Variants in KIF5B observed in about 807,000 individuals in gnomAD.
KIF5B encodes kinesin-1 heavy chain.
A neutral mutation model predicts 132.8 loss-of-function variants in KIF5B; 49 were observed. The ratio of observed to expected loss-of-function variants is 0.37; its 90% CI spans 0.29 to 0.47. The LOEUF (loss-of-function observed/expected upper bound fraction) is 0.47, where lower values mean the gene tolerates loss of function less well. Among genes scored for constraint, KIF5B ranks in the 20% least tolerant of loss-of-function variants. The probability of loss-of-function intolerance (pLI) is 1.00; values close to 1 mark genes in which losing one functional copy is unlikely to be tolerated. For missense variants in KIF5B, 780 were observed against 1,144.0 expected (o/e 0.68, Z 4.59); for synonymous variants, 355 against 369.4 (o/e 0.96, Z 0.45).
At position 32,009,041 on chromosome 10, in the gene KIF5B, A is replaced by AAC. The variant is rs1360779641; in HGVS notation, c.*2494_*2495dup. 1 of 152,192 alleles carries AAC rather than the reference A, an allele frequency of 6.6e-6. No homozygotes were observed. Among genetic ancestry groups the AAC allele is most frequent in the Non-Finnish European group, 1.5e-5 (1 of 68,044 alleles). 9.4% of individuals were successfully genotyped at this position (152,192 alleles called of 1,614,324 possible). A position where few individuals can be genotyped will look rare whatever the true frequency, so the allele number is the denominator to read the frequency against. ...TTCAAAAAATTTTCCTCTTTATTTAAACATAAAACGCATTTACAACATGCA... is the reference window on the plus strand; with the variant it reads ...TTCAAAAAATTTTCCTCTTTATTTAAACACATAAAACGCATTTACAACATGCA... On this transcript the variant is annotated 3_prime_UTR_variant, in exon 26 of 26. Transcript: ENST00000302418.
chr10:32,033,823 A>G (rs778932578), intron 12 of KIF5B, 22 bp downstream of exon 12: 2 of 1,553,812 alleles, frequency 1.3e-6, no homozygotes, highest in Admixed American at 3.4e-5. Flanking sequence ...TATAAAGCAG[A>G]CCTAAATCAA....
At chr10:32,051,544 T>A (rs211294) in intron 1 of KIF5B, among the ~76,000 whole-genome samples, 3 of 152,126 alleles carry the variant, frequency 2.0e-5, no homozygotes, top group Non-Finnish European at 4.4e-5. Flanking sequence ...CACTACAACC[T>A]TACTAAAATA....
In KIF5B at chr10:32,015,592, T is replaced by TC; in HGVS notation, c.2828dup (p.Gly944ArgfsTer47). ...GCTGGCTGTTCTGAACAAATGCACC[T>TC]CCTCCACGAATTGCACTTGGGTGAG... On this transcript the variant is annotated frameshift_variant, in exon 25 of 26. Transcript: ENST00000302418. LOFTEE classifies it high-confidence loss of function. The TC allele has an allele frequency of 6.2e-7, 1 of 1,613,862 alleles. No individual in the cohort carries two copies. The highest frequency in any genetic ancestry group is 8.5e-7 in the Non-Finnish European group (1 of 1,179,826).
chr10:32,030,025 G>A (rs1318509048), intron 14 of KIF5B, among the ~76,000 whole-genome samples: 2 of 152,164 alleles, frequency 1.3e-5, no homozygotes, highest in East Asian at 3.8e-4. Context: ...ATGTGAGCAG[G>A]GAAATAAGTG....
chr10:32,035,999 A>G lies in KIF5B; in HGVS notation c.712-5T>C, dbSNP rs777021954. 1.3e-6 allele frequency: 2 copies of G among 1,533,270 alleles called. No homozygotes were observed. The highest frequency in any genetic ancestry group is 1.8e-6 in the Non-Finnish European group (2 of 1,135,026). 95.0% of individuals were successfully genotyped at this position (1,533,270 alleles called of 1,614,324 possible). On this transcript the variant is annotated splice_polypyrimidine_tract_variant and splice_region_variant and intron_variant, in intron 8 of 25. Coordinates refer to ENST00000302418, the MANE Select transcript of KIF5B (RefSeq NM_004521.3). ...TTCAGCTCCAGTTTTACTAACCTAT[A>G]CATAAGATTTCAAAAGAATGAAACA...
At chr10:32,053,855 A>G (rs1424471271) in intron 1 of KIF5B, among the ~76,000 whole-genome samples, 1 of 152,218 alleles carries the variant, frequency 6.6e-6, no homozygotes. Context: ...CATTATTCCT[A>G]ATATTACCAT....
Position 32,056,065 on chromosome 10 carries a change from G to C in KIF5B, c.-92C>G. On this transcript the variant is annotated 5_prime_UTR_variant, in exon 1 of 26. Coordinates refer to ENST00000302418, the MANE Select transcript of KIF5B (RefSeq NM_004521.3). ...CGGACCTGAGGGCTTGTGGTCGCGA[G>C]GGCCGTGAGAGGCAGCAGTCAGCTG... 4.0e-6 allele frequency: 6 copies of C among 1,497,110 alleles called. No homozygotes were observed. Among genetic ancestry groups the C allele is most frequent in the Non-Finnish European group, 5.4e-6 (6 of 1,107,384 alleles). 92.7% of individuals were successfully genotyped at this position (1,497,110 alleles called of 1,614,324 possible). A position where few individuals can be genotyped will look rare whatever the true frequency, so the allele number is the denominator to read the frequency against.
intron 15 of KIF5B, among the ~76,000 whole-genome samples, chr10:32,024,194 G>A (rs1412192107): frequency 3.9e-5 from 4 of 103,818 alleles, no homozygotes; most frequent in Admixed American, 1.6e-4. Context: ...TCGCTCTGTC[G>A]CCCAGGCTGG....
chr10:32,039,594 C>T (rs778047997), intron 3 of KIF5B, among the ~76,000 whole-genome samples, 163 bp from the exon 4 acceptor site: 4 of 152,142 alleles, frequency 2.6e-5, no homozygotes, highest in Admixed American at 6.5e-5. Context: ...ATTACACATA[C>T]ACAGTACTGT....
At chr10:32,045,036 A>G (rs1938752503) in intron 2 of KIF5B, among the ~76,000 whole-genome samples, 1 of 152,200 alleles carries the variant, frequency 6.6e-6, no homozygotes, top group African/African-American at 2.4e-5. Context: ...AAACAGAACA[A>G]AAGTAATAGA....
intron 13 of KIF5B, among the ~76,000 whole-genome samples, chr10:32,032,248 G>A (rs949664926): frequency 2.6e-5 from 4 of 152,220 alleles, no homozygotes; most frequent in African/African-American, 9.6e-5. Flanking sequence ...TATCAATAGT[G>A]CCCCTTTGAG....
At position 32,040,446 on chromosome 10, in the gene KIF5B, CT is replaced by C; in HGVS notation, c.225del (p.Gly76AspfsTer36). The C allele has an allele frequency of 6.3e-7, 1 of 1,582,934 alleles. No individual in the cohort carries two copies. The highest frequency in any genetic ancestry group is 8.7e-7 in the Non-Finnish European group (1 of 1,152,036). ...CAKKIVKDVL[E>X]GYNGTIFAYG... Reference sequence around the variant, plus strand: ...TATGCAAATATTGTTCCATTATATCCTTCAAGTACATCTATGAGAAAAGATT... The same window carrying C: ...TATGCAAATATTGTTCCATTATATCCTCAAGTACATCTATGAGAAAAGATT... On this transcript the variant is annotated frameshift_variant, in exon 3 of 26. Transcript: ENST00000302418. LOFTEE classifies it high-confidence loss of function.
intron 2 of KIF5B, among the ~76,000 whole-genome samples, chr10:32,046,549 T>A (rs1304603205): frequency 1.3e-5 from 2 of 152,144 alleles, no homozygotes; most frequent in African/African-American, 4.8e-5. Flanking sequence ...GCCTCTCAGC[T>A]CCTTGACCAA....
chr10:32,048,369 G>A, intron 2 of KIF5B, 95 bp downstream of exon 2: 1 of 739,070 alleles, frequency 1.4e-6, no homozygotes, highest in Non-Finnish European at 2.3e-6. Flanking sequence ...AGAAGAAAGG[G>A]GCATTAAAAT....
Position 32,055,893 on chromosome 10 carries a change from G to A in KIF5B, c.81C>T (p.Asp27=), listed in dbSNP as rs747208573. ...CTCCCTGAAACTTGGCGATGTACTT[G>A]TCGCCGCGGTTCACTTCAGACTCGT... ...PLNESEVNRG[D]KYIAKFQGED... The change falls in exon 1 of 26, where the codon GAC becomes GAT. Residue 27 remains aspartate, a synonymous_variant. Coordinates refer to ENST00000302418, the MANE Select transcript of KIF5B (RefSeq NM_004521.3). The A allele has an allele frequency of 6.2e-7, 1 of 1,612,932 alleles. No individual in the cohort carries two copies. Among genetic ancestry groups the A allele is most frequent in the South Asian group, 1.1e-5 (1 of 91,088 alleles).
chr10:32,013,134 G>A (rs1040685678), intron 25 of KIF5B, among the ~76,000 whole-genome samples: 3 of 151,910 alleles, frequency 2.0e-5, no homozygotes, highest in Admixed American at 1.3e-4. Flanking sequence ...CTCCTGACCT[G>A]AGGTGACCCA....
intron 20 of KIF5B, among the ~76,000 whole-genome samples, chr10:32,019,532 A>C (rs1372705659): frequency 6.6e-6 from 1 of 152,182 alleles, no homozygotes; most frequent in Non-Finnish European, 1.5e-5. Context: ...TAGATCTTAA[A>C]ATCTTCGAAG....
At chr10:32,048,398 AAGT>A (rs1841643157) in intron 2 of KIF5B, 63 bp downstream of exon 2, 4 of 1,045,562 alleles carry the variant, frequency 3.8e-6, no homozygotes, top group Non-Finnish European at 5.7e-6. Context: ...GAAGCTGAGT[AAGT>A]AGAAAAGATC....
chr10:32,035,454 C>T (rs1841450252), intron 10 of KIF5B, 68 bp downstream of exon 10: 1 of 1,389,132 alleles, frequency 7.2e-7, no homozygotes, highest in African/African-American at 1.4e-5. Flanking sequence ...TAACAGCTCA[C>T]ATTTTCCTAC....
Sources: allele counts gnomAD v4.1 joint callset (sites outside exome capture counted in the v4.1 genomes callset), GRCh38; gene constraint gnomAD v4.1.1; transcripts MANE v1.5; gene names NCBI Gene and HGNC (gene_info 2026-07-23, HGNC 2026-07-21).